The following KAZN variants were observed in gnomAD, a reference collection of about 807,000 sequenced individuals.
KAZN encodes the protein kazrin, periplakin interacting protein, also known as kazrin.
Under a neutral mutation model 87.4 loss-of-function variants are expected in KAZN, and 40 were observed. The observed-to-expected ratio is 0.46, with a 90% CI of 0.36 to 0.60. The LOEUF (loss-of-function observed/expected upper bound fraction) is 0.60, where lower values mean the gene tolerates loss of function less well. KAZN is among the 20% of genes least tolerant of loss of function. The pLI is 0.00. For synonymous variants in KAZN, 466 were observed against 458.3 expected (o/e 1.02, Z -0.22); for missense variants, 898 against 1,073.9 (o/e 0.84, Z 2.29).
chr1:15,034,553 C>T (rs1040815313), intron 2 of KAZN, among the ~76,000 whole-genome samples, 196 bp from the exon 3 acceptor site: 3 of 152,160 alleles, frequency 2.0e-5, no homozygotes, highest in African/African-American at 4.8e-5. Context: ...TCGGGGCTCT[C>T]GACATAGGTG....
chr1:13,990,438 T>A (rs565035114), intron 1 of KAZN, among the ~76,000 whole-genome samples: 3 of 152,120 alleles, frequency 2.0e-5, no homozygotes, highest in Non-Finnish European at 4.4e-5. Flanking sequence ...GAGAATATAC[T>A]GTATAACTTT....
intron 14 of KAZN, chr1:15,112,790 C>T: frequency 2.4e-6 from 1 of 410,062 alleles, no homozygotes. Context: ...GTCTCACCTG[C>T]CTGCATGAGA....
At chr1:15,048,827 GCTGGGTCGTTGGTC>G (rs769921343) in intron 4 of KAZN, among the ~76,000 whole-genome samples, 86 of 109,822 alleles carry the variant, frequency 7.8e-4, no homozygotes, top group African/African-American at 2.7e-3. Flanking sequence ...GGTTGTTGGT[GCTGGGTCGTTGGTC>G]CTGGGTCGTT....
rs540974586 is a variant in KAZN, at chr1:14,993,620, C to G, written c.418+32745C>G. ...CTCCCCCACTCCCCGCCGCCACCCC[C>G]CTGCTGCCTCGACTCTCGTCTGGGA... On this transcript the variant is annotated intron_variant, in intron 2 of 14. Coordinates refer to ENST00000376030, the MANE Select transcript of KAZN (RefSeq NM_201628.3). Among the ~76,000 whole-genome samples the G allele has an allele frequency of 8.5e-5, 13 of 152,222 alleles. 1 individual carries two copies. The highest frequency in any genetic ancestry group is 6.5e-5 in the Admixed American group (1 of 15,286).
rs144317662 is a variant in KAZN, at chr1:14,820,120, A to G, written c.227-140564A>G. On this transcript the variant is annotated intron_variant, in intron 1 of 14. Transcript: ENST00000376030. This position sits in a 1 kb window ranked among gnomAD's most constrained non-coding sequence, Gnocchi z 4.1. ...ACCTGGAGAATTTGTGAATTTATGA[A>G]AACAGTTTCCTGGGGCCCTTCCCAA... 2.0e-4 allele frequency among the ~76,000 whole-genome samples: 30 copies of G among 152,306 alleles called. No individual in the cohort carries two copies. The East Asian group carries it at 5.4e-3, about 27-fold the overall frequency.
chr1:14,867,250 A>G (rs1013977885), intron 1 of KAZN, among the ~76,000 whole-genome samples: 4 of 152,106 alleles, frequency 2.6e-5, no homozygotes, highest in Non-Finnish European at 4.4e-5. Flanking sequence ...TTTGCCTTGA[A>G]GGTCTGTTGT....
At chr1:14,169,476 T>A (rs896708462) in intron 1 of KAZN, among the ~76,000 whole-genome samples, 4 of 152,160 alleles carry the variant, frequency 2.6e-5, no homozygotes, top group African/African-American at 9.7e-5. Flanking sequence ...TCTGGACAGT[T>A]TGGTGGTGCC....
In KAZN at chr1:15,081,392, G is replaced by A; in HGVS notation, c.1223-12788G>A. 6.6e-6 allele frequency among the ~76,000 whole-genome samples: 1 copy of A among 152,228 alleles called. No homozygotes were observed. Among genetic ancestry groups the A allele is most frequent in the Admixed American group, 6.5e-5 (1 of 15,282 alleles). On this transcript the variant is annotated intron_variant, in intron 8 of 14. Transcript: ENST00000376030. This position sits in a 1 kb window ranked among gnomAD's most constrained non-coding sequence, Gnocchi z 4.1. Reference sequence around the variant, plus strand: ...AGAGCCGGTTGTTAAACGTGGTTGGGCCCTTGCTAGGGACTAGAGATGTCT... The same window carrying A: ...AGAGCCGGTTGTTAAACGTGGTTGGACCCTTGCTAGGGACTAGAGATGTCT...
At chr1:14,708,753 A>C (rs1642341738) in intron 1 of KAZN, among the ~76,000 whole-genome samples, 2 of 152,240 alleles carry the variant, frequency 1.3e-5, no homozygotes, top group African/African-American at 4.8e-5. Flanking sequence ...TTGCTTGAGT[A>C]TTCAGCTGGT....
intron 2 of KAZN, among the ~76,000 whole-genome samples, chr1:14,976,031 CAAA>C (rs1162988294): frequency 9.4e-5 from 8 of 85,504 alleles, no homozygotes; most frequent in South Asian, 4.7e-4. Context: ...GACTCCGTCT[CAAA>C]AAAAAAAAAA....
At chr1:14,903,109 T>A (rs544287745) in intron 1 of KAZN, among the ~76,000 whole-genome samples, 2 of 152,104 alleles carry the variant, frequency 1.3e-5, no homozygotes, top group Admixed American at 1.3e-4. Context: ...CCTCAAGTGA[T>A]CCACCCGCCT....
chr1:14,256,814 A>G (rs987493107), intron 2 of KAZN, among the ~76,000 whole-genome samples: 1 of 152,204 alleles, frequency 6.6e-6, no homozygotes, highest in Non-Finnish European at 1.5e-5. Flanking sequence ...TACTCTCCCC[A>G]TGAAGGGCTT....
upstream of KAZN, among the ~76,000 whole-genome samples, chr1:14,593,753 C>A (rs1343605437): frequency 6.6e-6 from 1 of 152,068 alleles, no homozygotes; most frequent in Non-Finnish European, 1.5e-5. Flanking sequence ...TGCAGAGAGC[C>A]AGGGGGAGAA....
intron 2 of KAZN, among the ~76,000 whole-genome samples, chr1:14,498,617 T>C (rs545321969): frequency 5.6e-4 from 85 of 151,974 alleles, no homozygotes; most frequent in Middle Eastern, 3.4e-3. Context: ...ACTTGAGCCC[T>C]GGAGGCGGAG....
chr1:14,752,312 C>G (rs754707076), intron 1 of KAZN, among the ~76,000 whole-genome samples: 21 of 152,182 alleles, frequency 1.4e-4, no homozygotes, highest in Non-Finnish European at 2.5e-4. Flanking sequence ...GATATGCCTT[C>G]CCTGATCCAT....
At chr1:14,125,361 A>G (rs1644841938) in intron 1 of KAZN, among the ~76,000 whole-genome samples, 1 of 152,184 alleles carries the variant, frequency 6.6e-6, no homozygotes, top group Admixed American at 6.5e-5. Context: ...CTAGCCAAAC[A>G]TTCCCCAGGA....
intron 2 of KAZN, among the ~76,000 whole-genome samples, chr1:14,438,617 C>T (rs763862952): frequency 2.6e-5 from 4 of 152,050 alleles, no homozygotes; most frequent in Non-Finnish European, 4.4e-5. Flanking sequence ...ACAAACAGCA[C>T]GTGGTATGAG....
chr1:15,103,955 A>G, intron 12 of KAZN, 68 bp from the exon 13 acceptor site: 1 of 1,516,684 alleles, frequency 6.6e-7, no homozygotes, highest in Non-Finnish European at 8.9e-7. Flanking sequence ...CCCCACGTGG[A>G]ACTGGGGCCC....
rs76796180 is a variant in KAZN, at chr1:14,518,843, A to T, written c.250-80140A>T. Among the ~76,000 whole-genome samples the T allele has an allele frequency of 5.3e-3, 811 of 152,330 alleles. 9 individuals carry two copies. The highest frequency in any genetic ancestry group is 0.019 in the African/African-American group (772 of 41,568). Reference sequence around the variant, plus strand: ...AGTGCCAAGCACGTAGGTGCTCAATAATTGCTAGTAGTTAATATTTTGAGA... The same window carrying T: ...AGTGCCAAGCACGTAGGTGCTCAATTATTGCTAGTAGTTAATATTTTGAGA... On this transcript the variant is annotated intron_variant, in intron 2 of 16. Coordinates refer to the KAZN transcript ENST00000636203.
Sources: gnomAD v4.1 joint callset for allele counts (sites outside exome capture counted in the v4.1 genomes callset) on GRCh38, gnomAD v4.1.1 for gene constraint, Gnocchi (gnomAD v3.1) non-coding constraint, MANE v1.5 for transcripts, NCBI Gene and HGNC (gene_info 2026-07-23, HGNC 2026-07-21) for gene names.